The following VPS13B variants were observed in gnomAD, a reference collection of about 807,000 sequenced individuals.
The protein encoded by VPS13B is vacuolar protein sorting 13 homolog B.
In VPS13B, 285 loss-of-function variants were observed where a neutral mutation model predicts 426.4. The ratio of observed to expected loss-of-function variants is 0.67; its 90% CI spans 0.61 to 0.74. The LOEUF (loss-of-function observed/expected upper bound fraction) is 0.74, where lower values mean the gene tolerates loss of function less well. Ranked by LOEUF, VPS13B falls within the 30% of genes least tolerant of loss-of-function variation. The probability of loss-of-function intolerance (pLI) is 0.00; values close to 1 mark genes in which losing one functional copy is unlikely to be tolerated. For missense variants in VPS13B, 4,537 were observed against 4,782.6 expected (o/e 0.95, Z 1.51); for synonymous variants, 1,676 against 1,676.4 (o/e 1.00, Z 0.01).
intron 17 of VPS13B, among the ~76,000 whole-genome samples, chr8:99,205,282 C>T (rs1277885535): frequency 6.6e-6 from 1 of 152,118 alleles, no homozygotes; most frequent in African/African-American, 2.4e-5. Context: ...CGTGTTCTCA[C>T]TCATAAGTTG....
At chr8:99,342,144 T>A (rs996915824) in intron 19 of VPS13B, among the ~76,000 whole-genome samples, 2 of 152,240 alleles carry the variant, frequency 1.3e-5, no homozygotes, top group Admixed American at 6.5e-5. Context: ...TGTATACATA[T>A]ATGGGGTATA....
chr8:99,468,863 A>G (rs1369966842), intron 24 of VPS13B, among the ~76,000 whole-genome samples: 2 of 152,128 alleles, frequency 1.3e-5, no homozygotes, highest in Non-Finnish European at 2.9e-5. Context: ...TTCCTCCCCT[A>G]TATCAAGTGA....
intron 33 of VPS13B, among the ~76,000 whole-genome samples, chr8:99,594,349 A>G (rs1429327094): frequency 6.6e-6 from 1 of 151,954 alleles, no homozygotes; most frequent in Non-Finnish European, 1.5e-5. Context: ...TTGAGATAAT[A>G]ATAGTCTTCC....
At chr8:99,671,607 T>G (rs765227061) in intron 35 of VPS13B, among the ~76,000 whole-genome samples, 31 of 152,160 alleles carry the variant, frequency 2.0e-4, no homozygotes, top group Admixed American at 2.0e-4. Flanking sequence ...TTTTTGGTCT[T>G]ACTACATTTA....
At chr8:99,042,601 G>A (rs4612311) in intron 3 of VPS13B, among the ~76,000 whole-genome samples, 111,306 of 151,568 alleles carry the variant, frequency 0.73, 41,579 homozygotes, top group South Asian at 0.87. Context: ...CCATAAGCAC[G>A]GATTCCTTTC....
At chr8:99,818,975 A>AGGGGGGGGGGGGGGG in intron 47 of VPS13B, 87 bp downstream of exon 47, 2 of 133,538 alleles carry the variant, frequency 1.5e-5, no homozygotes, top group Non-Finnish European at 3.0e-5. Context: ...GCGGCGGGGG[A>AGGGGGGGGGGGGGGG]GGGGTGGGTA....
intron 58 of VPS13B, among the ~76,000 whole-genome samples, chr8:99,867,135 G>A (rs1445773723): frequency 2.0e-5 from 3 of 152,134 alleles, no homozygotes; most frequent in Admixed American, 6.5e-5. Flanking sequence ...TTTCTACCAG[G>A]GGCCAGAGCA....
intron 31 of VPS13B, among the ~76,000 whole-genome samples, chr8:99,568,104 G>A (rs147580618): frequency 8.2e-4 from 125 of 152,190 alleles, no homozygotes; most frequent in African/African-American, 2.9e-3. Flanking sequence ...AAGGGTTCAT[G>A]CCTGGCTGGG....
In VPS13B at chr8:99,697,208, G is replaced by T. The variant is rs564949121; in HGVS notation, c.6047-2317G>T. ...TGGCTGAGGTGGAGGGTGGGCAAGT[G>T]CACAAGGTAAAGCTGGAGGTCACGC... On this transcript the variant is annotated intron_variant, in intron 35 of 61. Transcript: ENST00000357162. 9 of 565,100 alleles carry T rather than the reference G, an allele frequency of 1.6e-5. 1 individual carries two copies. In the South Asian group the frequency reaches 1.7e-4, roughly 11 times the overall value. The allele number at this position is 565,100 out of a possible 1,614,324, so 35.0% of individuals were successfully genotyped here. A position where few individuals can be genotyped will look rare whatever the true frequency, so the allele number is the denominator to read the frequency against.
chr8:99,328,133 G>A (rs535856656), intron 19 of VPS13B, among the ~76,000 whole-genome samples: 1 of 152,136 alleles, frequency 6.6e-6, no homozygotes, highest in Non-Finnish European at 1.5e-5. Flanking sequence ...ATTCTCCTAG[G>A]AGTGCAAACC....
chr8:99,575,615 G>C, intron 31 of VPS13B, 43 bp from the exon 32 acceptor site: 1 of 1,612,054 alleles, frequency 6.2e-7, no homozygotes, highest in Non-Finnish European at 8.5e-7. Context: ...AATTGTCTTT[G>C]AAAATAATGA....
intron 17 of VPS13B, among the ~76,000 whole-genome samples, chr8:99,269,606 CA>C (rs1337272206): frequency 1.3e-5 from 2 of 152,208 alleles, no homozygotes; most frequent in African/African-American, 4.8e-5. Context: ...CACTGTATTA[CA>C]AGGTAAAGAA....
chr8:99,233,408 G>T, intron 17 of VPS13B: 1 of 1,175,436 alleles, frequency 8.5e-7, no homozygotes, highest in Non-Finnish European at 1.3e-6. Context: ...GCTCTGGCGA[G>T]TCTTGCCAGC....
intron 19 of VPS13B, among the ~76,000 whole-genome samples, chr8:99,338,210 A>G (rs546798791): frequency 2.4e-4 from 37 of 152,184 alleles, no homozygotes; most frequent in Admixed American, 1.9e-3. Context: ...TTTATTATCA[A>G]CTGGTCAGTT....
At chr8:99,669,450 A>G (rs887549252) in intron 35 of VPS13B, among the ~76,000 whole-genome samples, 7 of 152,170 alleles carry the variant, frequency 4.6e-5, no homozygotes, top group Admixed American at 6.5e-5. Context: ...AATGACAACA[A>G]AGAACAAAAA....
chr8:99,741,461 G>A (rs1001740410), intron 39 of VPS13B, among the ~76,000 whole-genome samples: 1 of 152,158 alleles, frequency 6.6e-6, no homozygotes, highest in South Asian at 2.1e-4. Flanking sequence ...ACTCAGCTGT[G>A]CACCAAGCGG....
At chr8:99,234,646 A>G (rs1816542712) in intron 17 of VPS13B, among the ~76,000 whole-genome samples, 1 of 152,226 alleles carries the variant, frequency 6.6e-6, no homozygotes. Flanking sequence ...ATGAAAGTCT[A>G]ATTTTTCTAA....
At chr8:99,708,847 C>A (rs28374726) in intron 36 of VPS13B, among the ~76,000 whole-genome samples, 41,112 of 147,710 alleles carry the variant, frequency 0.28, 5,966 homozygotes, top group South Asian at 0.41. Context: ...CTCTCTCTCT[C>A]TCTATATATA....
chr8:99,316,665 C>G (rs1809676847), intron 19 of VPS13B, among the ~76,000 whole-genome samples: 1 of 152,148 alleles, frequency 6.6e-6, no homozygotes, highest in African/African-American at 2.4e-5. Context: ...TGCTCCCTCA[C>G]TTCTTTTTCC....
Sources: allele counts gnomAD v4.1 joint callset (sites outside exome capture counted in the v4.1 genomes callset), GRCh38; gene constraint gnomAD v4.1.1; transcripts MANE v1.5; gene names NCBI Gene and HGNC (gene_info 2026-07-23, HGNC 2026-07-21).